The following DENND4A variants were observed in gnomAD, a reference collection of about 807,000 sequenced individuals.
DENND4A encodes C-myc promoter-binding protein.
Under a neutral mutation model 199.3 loss-of-function variants are expected in DENND4A, and 70 were observed. The observed-to-expected ratio is 0.35, with a 90% CI of 0.29 to 0.43. DENND4A has a LOEUF of 0.43. Among genes scored for constraint, DENND4A ranks in the 20% least tolerant of loss-of-function variants. The pLI, the probability that DENND4A is intolerant of heterozygous loss-of-function variation, is 1.00. For synonymous variants in DENND4A, 686 were observed against 766.9 expected (o/e 0.89, Z 1.74); for missense variants, 1,723 against 2,255.8 (o/e 0.76, Z 4.78).
intron 1 of DENND4A, among the ~76,000 whole-genome samples, chr15:65,778,670 G>T (rs1051892996): frequency 6.6e-6 from 1 of 151,948 alleles, no homozygotes; most frequent in African/African-American, 2.4e-5. Flanking sequence ...AGGATGAGGC[G>T]GGCGGATCAC....
chr15:65,735,856 C>T (rs539385100), intron 7 of DENND4A, among the ~76,000 whole-genome samples: 148 of 152,202 alleles, frequency 9.7e-4, no homozygotes, highest in Admixed American at 1.8e-3. Context: ...CTCTAGGAGG[C>T]CGAGGCAGGT....
In DENND4A at chr15:65,731,823, T is replaced by C. The variant is rs2075970323; in HGVS notation, c.1108-123A>G. 7.8e-6 allele frequency: 5 copies of C among 641,496 alleles called. No individual in the cohort carries two copies. The Admixed American group carries it at 9.6e-5, about 12-fold the overall frequency. 39.7% of individuals were successfully genotyped at this position (641,496 alleles called of 1,614,324 possible). ...AAGTTTCAGTATATCCATTTACCAG[T>C]ATCAGAACACTTTGTATCACTCACT... is the stretch of plus-strand genomic sequence containing the variant. On this transcript the variant is annotated intron_variant, in intron 8 of 32. Transcript: ENST00000443035.
At chr15:65,712,530 T>C (rs2075281064) in intron 14 of DENND4A, among the ~76,000 whole-genome samples, 1 of 152,186 alleles carries the variant, frequency 6.6e-6, no homozygotes. Flanking sequence ...ATAGTCAAGA[T>C]TAAAGTACTT....
chr15:65,710,629 T>C (rs1381250875), intron 14 of DENND4A, among the ~76,000 whole-genome samples: 1 of 152,232 alleles, frequency 6.6e-6, no homozygotes, highest in Non-Finnish European at 1.5e-5. Flanking sequence ...TGTAGAGGAA[T>C]TATTTTTTAA....
chr15:65,741,627 C>T (rs562859152), intron 5 of DENND4A, 88 bp downstream of exon 5: 1 of 1,055,808 alleles, frequency 9.5e-7, no homozygotes, highest in Non-Finnish European at 1.4e-6. Flanking sequence ...CTGATACTAA[C>T]ACAGACTAGG....
At chr15:65,788,618 G>A (rs1818341238) in intron 1 of DENND4A, among the ~76,000 whole-genome samples, 2 of 151,966 alleles carry the variant, frequency 1.3e-5, no homozygotes, top group South Asian at 2.1e-4. Flanking sequence ...AGCACTTTGG[G>A]AGGCCAACGC....
chr15:65,686,849 G>A (rs1408478320), intron 23 of DENND4A, among the ~76,000 whole-genome samples: 1 of 151,472 alleles, frequency 6.6e-6, no homozygotes, highest in African/African-American at 2.4e-5. Context: ...GTGCCACCAT[G>A]GCCAGCTAGT....
intron 3 of DENND4A, among the ~76,000 whole-genome samples, chr15:65,755,014 A>G (rs1445152677): frequency 6.6e-6 from 1 of 152,270 alleles, no homozygotes; most frequent in Non-Finnish European, 1.5e-5. Flanking sequence ...TCAAACATCC[A>G]TCAACAGATG....
At chr15:65,791,502 C>G (rs988585321) in intron 1 of DENND4A, among the ~76,000 whole-genome samples, 1 of 149,622 alleles carries the variant, frequency 6.7e-6, no homozygotes, top group Non-Finnish European at 1.5e-5. Context: ...TCAACTTGGA[C>G]GCTGGCCGCG....
chr15:65,748,993 TAA>T (rs540682428), intron 4 of DENND4A, among the ~76,000 whole-genome samples: 3 of 112,872 alleles, frequency 2.7e-5, no homozygotes, highest in Non-Finnish European at 3.7e-5. Context: ...ACCCTGTCTC[TAA>T]AAAAAAAAAA....
intron 3 of DENND4A, 115 bp downstream of exon 3, chr15:65,756,024 GT>G: frequency 1.1e-6 from 1 of 908,994 alleles, no homozygotes; most frequent in South Asian, 1.9e-5. Flanking sequence ...ACAAACTTGT[GT>G]ATTTTTCTAA....
intron 1 of DENND4A, among the ~76,000 whole-genome samples, chr15:65,768,172 T>C (rs1235225316): frequency 6.6e-6 from 1 of 152,100 alleles, no homozygotes; most frequent in Non-Finnish European, 1.5e-5. Context: ...TTTATCTTTT[T>C]CTTTTTTTTG....
intron 1 of DENND4A, among the ~76,000 whole-genome samples, chr15:65,762,690 G>A (rs1029522365): frequency 5.3e-5 from 8 of 151,974 alleles, no homozygotes; most frequent in Admixed American, 2.0e-4. Flanking sequence ...AAAATAATTC[G>A]GTATAACTTT....
chr15:65,671,942 A>G (rs1596392895), intron 24 of DENND4A, 56 bp from the exon 25 acceptor site: 10 of 1,059,850 alleles, frequency 9.4e-6, no homozygotes, highest in Non-Finnish European at 1.5e-5. Context: ...GAGAAAGGAT[A>G]TAAGAATCTT....
chr15:65,679,735 C>T (rs1168333936), intron 23 of DENND4A, among the ~76,000 whole-genome samples: 1 of 151,654 alleles, frequency 6.6e-6, no homozygotes, highest in Non-Finnish European at 1.5e-5. Context: ...TGCCATGTTA[C>T]CCAGGCTAGT....
At chr15:65,752,298 A>T in intron 4 of DENND4A, 81 bp downstream of exon 4, 1 of 646,198 alleles carries the variant, frequency 1.5e-6, no homozygotes, top group East Asian at 5.3e-5. Flanking sequence ...AAAAAAAAAA[A>T]AAAAAAAAAA....
At chr15:65,692,198 G>C (rs897471246) in intron 22 of DENND4A, among the ~76,000 whole-genome samples, 4 of 151,938 alleles carry the variant, frequency 2.6e-5, no homozygotes, top group Non-Finnish European at 4.4e-5. Context: ...CATAAATAAA[G>C]GTTATTTTTT....
intron 1 of DENND4A, among the ~76,000 whole-genome samples, chr15:65,791,771 G>GC (rs1259954447): frequency 6.6e-6 from 1 of 151,796 alleles, no homozygotes; most frequent in Non-Finnish European, 1.5e-5. Flanking sequence ...AAACACAGGA[G>GC]CCCCCCACGC....
chr15:65,669,960 G>T, intron 26 of DENND4A, 35 bp from the exon 27 acceptor site: 1 of 1,610,112 alleles, frequency 6.2e-7, no homozygotes, highest in Non-Finnish European at 8.5e-7. Flanking sequence ...TTTGAGAAAA[G>T]AGATATTATA....
Sources: gnomAD v4.1 joint callset for allele counts (sites outside exome capture counted in the v4.1 genomes callset) on GRCh38, gnomAD v4.1.1 for gene constraint, MANE v1.5 for transcripts, NCBI Gene and HGNC (gene_info 2026-07-23, HGNC 2026-07-21) for gene names.